The following CSMD1 variants were observed in gnomAD, a reference collection of about 807,000 sequenced individuals.
CSMD1 encodes the protein CUB and Sushi multiple domains 1.
Under a neutral mutation model 417.5 loss-of-function variants are expected in CSMD1, and 213 were observed. The ratio of observed to expected loss-of-function variants is 0.51; its 90% CI spans 0.46 to 0.57. The LOEUF (loss-of-function observed/expected upper bound fraction) is 0.57, where lower values mean the gene tolerates loss of function less well. Among genes scored for constraint, CSMD1 ranks in the 20% least tolerant of loss-of-function variants. The probability of loss-of-function intolerance (pLI) is 0.00; values close to 1 mark genes in which losing one functional copy is unlikely to be tolerated. For synonymous variants in CSMD1, 2,862 were observed against 1,736.8 expected (o/e 1.65, Z -16.11); for missense variants, 6,923 against 4,529.7 (o/e 1.53, Z -15.17).
chr8:4,648,138 G>C (rs1803652854), intron 1 of CSMD1, among the ~76,000 whole-genome samples: 1 of 152,146 alleles, frequency 6.6e-6, no homozygotes, highest in African/African-American at 2.4e-5. Flanking sequence ...TCTCACTGTG[G>C]TTTTGATTTG....
chr8:4,937,099 G>A (rs1372233409), intron 1 of CSMD1, among the ~76,000 whole-genome samples: 1 of 152,164 alleles, frequency 6.6e-6, no homozygotes, highest in Admixed American at 6.5e-5. Flanking sequence ...TGTAGTCCCA[G>A]CTATCCAGGA....
chr8:4,297,774 G>C (rs1338046700), intron 3 of CSMD1, among the ~76,000 whole-genome samples: 2 of 152,102 alleles, frequency 1.3e-5, no homozygotes, highest in Non-Finnish European at 2.9e-5. Context: ...TCCTGTGAGA[G>C]GTGATACATT....
chr8:3,576,093 G>A (rs376668507), intron 9 of CSMD1, among the ~76,000 whole-genome samples: 2 of 151,952 alleles, frequency 1.3e-5, no homozygotes, highest in African/African-American at 4.8e-5. Context: ...CATTCCTTGA[G>A]TTTAACCCTT....
At chr8:3,645,012 C>G (rs968132731) in intron 7 of CSMD1, among the ~76,000 whole-genome samples, 2 of 143,574 alleles carry the variant, frequency 1.4e-5, no homozygotes, top group Admixed American at 1.4e-4. Context: ...CTTTCAAACT[C>G]GCATTTCTTC....
chr8:4,025,614 A>T (rs1415971694), intron 4 of CSMD1, among the ~76,000 whole-genome samples: 1 of 152,224 alleles, frequency 6.6e-6, no homozygotes, highest in Non-Finnish European at 1.5e-5. Context: ...AGACTGGCAG[A>T]ACATGCCAAT....
At chr8:4,094,819 G>T (rs766378182) in intron 3 of CSMD1, among the ~76,000 whole-genome samples, 1 of 152,150 alleles carries the variant, frequency 6.6e-6, no homozygotes, top group Non-Finnish European at 1.5e-5. Context: ...GGGAGCAAAC[G>T]CTTATCAAGG....
In CSMD1 at chr8:3,561,942, G is replaced by A. The variant is rs569264662; in HGVS notation, c.1344+13003C>T. On this transcript the variant is annotated intron_variant, in intron 10 of 69. Transcript: ENST00000635120. Reference sequence around the variant, plus strand: ...AAGCGAGGGATGCAGATGATCTCCCGTGAGCTGCGTGTGCCTGTGTGCACT... The same window carrying A: ...AAGCGAGGGATGCAGATGATCTCCCATGAGCTGCGTGTGCCTGTGTGCACT... 8.0e-4 allele frequency among the ~76,000 whole-genome samples: 122 copies of A among 152,168 alleles called. 1 individual carries two copies. Among genetic ancestry groups the A allele is most frequent in the Non-Finnish European group, 1.4e-3 (95 of 68,036 alleles).
intron 2 of CSMD1, among the ~76,000 whole-genome samples, chr8:4,448,758 C>T (rs1585093450): frequency 6.6e-6 from 1 of 152,184 alleles, no homozygotes; most frequent in Non-Finnish European, 1.5e-5. Flanking sequence ...GACATAATGA[C>T]AACCATATTT....
At chr8:3,619,818 C>T (rs373497201) in intron 7 of CSMD1, among the ~76,000 whole-genome samples, 3 of 152,228 alleles carry the variant, frequency 2.0e-5, no homozygotes, top group East Asian at 3.9e-4. Flanking sequence ...GCTCACACAA[C>T]GTAATATATT....
intron 3 of CSMD1, among the ~76,000 whole-genome samples, chr8:4,361,513 G>A (rs1017871568): frequency 6.6e-6 from 1 of 152,122 alleles, no homozygotes; most frequent in Non-Finnish European, 1.5e-5. Flanking sequence ...ACGGAGGCCT[G>A]CAAGATCAGG....
At chr8:4,185,893 C>G (rs1026633942) in intron 3 of CSMD1, among the ~76,000 whole-genome samples, 3 of 152,188 alleles carry the variant, frequency 2.0e-5, no homozygotes, top group Non-Finnish European at 4.4e-5. Context: ...CACGGCTTTC[C>G]TGTTTGTAAA....
At chr8:3,928,789 C>A (rs1341205259) in intron 5 of CSMD1, among the ~76,000 whole-genome samples, 1 of 144,408 alleles carries the variant, frequency 6.9e-6, no homozygotes. Context: ...CCCGCCCACC[C>A]CCGGGCCAGT....
intron 2 of CSMD1, among the ~76,000 whole-genome samples, chr8:4,489,639 C>G (rs759554769): frequency 1.3e-5 from 2 of 152,262 alleles, no homozygotes; most frequent in East Asian, 3.9e-4. Context: ...TTCTGGTCAA[C>G]AAGGAGCTAA....
chr8:3,471,041 G>A (rs879630060), intron 11 of CSMD1, among the ~76,000 whole-genome samples: 3 of 152,164 alleles, frequency 2.0e-5, no homozygotes, highest in Admixed American at 6.5e-5. Context: ...AAAAGCGCAA[G>A]AGGGCAATAG....
intron 5 of CSMD1, among the ~76,000 whole-genome samples, chr8:3,971,102 C>G (rs922915820): frequency 1.3e-5 from 2 of 152,122 alleles, no homozygotes; most frequent in African/African-American, 4.8e-5. Flanking sequence ...GACATAGAAC[C>G]ATGTGATCCA....
At chr8:4,828,153 C>T (rs1396380936) in intron 1 of CSMD1, among the ~76,000 whole-genome samples, 1 of 152,154 alleles carries the variant, frequency 6.6e-6, no homozygotes, top group Non-Finnish European at 1.5e-5. Flanking sequence ...AGGAAATTCA[C>T]TTCCATCCCA....
chr8:4,940,255 G>C (rs1807905916), intron 1 of CSMD1, among the ~76,000 whole-genome samples: 1 of 152,170 alleles, frequency 6.6e-6, no homozygotes. Flanking sequence ...GAAATAGTGT[G>C]AGCAGTTAAC....
intron 10 of CSMD1, among the ~76,000 whole-genome samples, chr8:3,512,511 CTGGGCTGG>C (rs764581731): frequency 8.5e-4 from 128 of 151,008 alleles, no homozygotes; most frequent in Admixed American, 1.5e-3. Context: ...ACATGAACGG[CTGGGCTGG>C]TGGGCTGGTG....
intron 10 of CSMD1, among the ~76,000 whole-genome samples, chr8:3,566,068 T>C (rs1486628035): frequency 6.6e-6 from 1 of 152,054 alleles, no homozygotes; most frequent in South Asian, 2.1e-4. Context: ...TATATCTTTC[T>C]GACCCTAGTC....
Sources: gnomAD v4.1 joint callset for allele counts (sites outside exome capture counted in the v4.1 genomes callset) on GRCh38, gnomAD v4.1.1 for gene constraint, MANE v1.5 for transcripts, NCBI Gene and HGNC (gene_info 2026-07-23, HGNC 2026-07-21) for gene names.